Variants in BMP6 observed in about 807,000 individuals in gnomAD.
The protein encoded by BMP6 is VG-1-R.
Under a neutral mutation model 54.1 loss-of-function variants are expected in BMP6, and 17 were observed. The observed-to-expected ratio is 0.31, with a 90% CI of 0.22 to 0.47. The LOEUF (loss-of-function observed/expected upper bound fraction) is 0.47, where lower values mean the gene tolerates loss of function less well. Among genes scored for constraint, BMP6 ranks in the 20% least tolerant of loss-of-function variants. The probability of loss-of-function intolerance (pLI) is 1.00; values close to 1 mark genes in which losing one functional copy is unlikely to be tolerated. For missense variants in BMP6, 720 were observed against 690.4 expected (o/e 1.04, Z -0.48); for synonymous variants, 328 against 291.2 (o/e 1.13, Z -1.28).
At chr6:7,751,200 C>A (rs1247841278) in intron 1 of BMP6, among the ~76,000 whole-genome samples, 1 of 152,152 alleles carries the variant, frequency 6.6e-6, no homozygotes, top group Non-Finnish European at 1.5e-5. Flanking sequence ...GCAAACCCAG[C>A]CAGTTGCTCT....
chr6:7,796,357 C>G (rs965464696), intron 1 of BMP6, among the ~76,000 whole-genome samples: 2 of 152,236 alleles, frequency 1.3e-5, no homozygotes, highest in Admixed American at 1.3e-4. Flanking sequence ...AAACTGCCAC[C>G]CTCGTGGCCA....
Position 7,726,113 on chromosome 6 carries a change from G to T in BMP6, c.-843G>T, listed in dbSNP as rs991614561. Among the ~76,000 whole-genome samples the T allele has an allele frequency of 3.9e-5, 6 of 152,224 alleles. No homozygotes were observed. The highest frequency in any genetic ancestry group is 7.3e-5 in the Non-Finnish European group (5 of 68,032). On this transcript the variant is annotated 5_prime_UTR_variant, in exon 1 of 7. Transcript: ENST00000283147. ...GGGCGCGCAGCAGAAAGCCCACGTTGGCCGCTGCGGGGAGCGCGGCGTGGA... is the reference window on the plus strand; with the variant it reads ...GGGCGCGCAGCAGAAAGCCCACGTTTGCCGCTGCGGGGAGCGCGGCGTGGA...
chr6:7,834,042 C>G (rs1158800036), intron 1 of BMP6, among the ~76,000 whole-genome samples: 2 of 152,024 alleles, frequency 1.3e-5, no homozygotes, highest in African/African-American at 4.8e-5. Flanking sequence ...ATGCAAAGAC[C>G]AACACTAGCG....
At position 7,862,365 on chromosome 6, in the gene BMP6, C is replaced by G; in HGVS notation, c.1071C>G (p.Pro357=). Residue 357 remains proline, a synonymous_variant, in exon 4 of 7, where the codon CCC becomes CCG. Transcript: ENST00000283147. ...GAGACGGCCCTTACGACAAGCAGCC[C>G]TTCATGGTGGCTTTCTTCAAAGTGA... ...VGRDGPYDKQ[P]FMVAFFKVSE... 6.2e-7 allele frequency: 1 copy of G among 1,614,226 alleles called. No homozygotes were observed. The highest frequency in any genetic ancestry group is 8.5e-7 in the Non-Finnish European group (1 of 1,180,030).
intron 2 of BMP6, among the ~76,000 whole-genome samples, chr6:7,857,320 G>A (rs1218629483): frequency 6.6e-6 from 1 of 152,204 alleles, no homozygotes; most frequent in African/African-American, 2.4e-5. Flanking sequence ...CACAATGTGA[G>A]GAATATCACG....
chr6:7,860,982 A>G (rs1315715859), intron 2 of BMP6, among the ~76,000 whole-genome samples: 1 of 152,146 alleles, frequency 6.6e-6, no homozygotes, highest in Non-Finnish European at 1.5e-5. Flanking sequence ...AAAGTAAGCT[A>G]GTCACTAATA....
chr6:7,871,315 G>C (rs535037214), intron 4 of BMP6, among the ~76,000 whole-genome samples: 1 of 152,324 alleles, frequency 6.6e-6, no homozygotes, highest in Non-Finnish European at 1.5e-5. Context: ...TATTAAATGG[G>C]ACTGAAAGCC....
intron 1 of BMP6, among the ~76,000 whole-genome samples, chr6:7,766,637 A>C (rs1053311092): frequency 3.3e-5 from 5 of 152,178 alleles, no homozygotes; most frequent in East Asian, 3.8e-4. Flanking sequence ...AAAATAAATA[A>C]ATAAAAAGAA....
chr6:7,854,805 GACAA>G lies in BMP6; in HGVS notation c.858-6643_858-6640del, dbSNP rs542328255. 3.9e-3 allele frequency among the ~76,000 whole-genome samples: 598 copies of G among 152,210 alleles called. 7 individuals are homozygous for G. Among genetic ancestry groups the G allele is most frequent in the Non-Finnish European group, 6.8e-3 (459 of 67,994 alleles). ...ACTCTCTCTCAAAAATAAATAAACA[GACAA>G]ACTAACTAAATAAAAATAACAGGTG... On this transcript the variant is annotated intron_variant, in intron 2 of 6. Coordinates refer to ENST00000283147, the MANE Select transcript of BMP6 (RefSeq NM_001718.6).
At position 7,727,380 on chromosome 6, in the gene BMP6, C is replaced by G; in HGVS notation, c.425C>G (p.Ala142Gly). The G allele has an allele frequency of 6.2e-7, 1 of 1,608,726 alleles. No individual in the cohort carries two copies. Among genetic ancestry groups the G allele is most frequent in the Non-Finnish European group, 8.5e-7 (1 of 1,178,138 alleles). Residue 142 changes from alanine (A) to glycine (G), a missense_variant, in exon 1 of 7, where the codon GCC becomes GGC. Ala to Gly is a moderately conservative substitution (Grantham distance 60). Coordinates refer to ENST00000283147, the MANE Select transcript of BMP6 (RefSeq NM_001718.6). ...APLFMLDLYN[A>G]LSADNDEDGA... The stretch of plus-strand genomic sequence containing the variant: ...CTCTTCATGCTGGATCTGTACAACG[C>G]CCTGTCCGCCGACAACGACGAGGAC...
chr6:7,791,321 C>T (rs1758103550), intron 1 of BMP6, among the ~76,000 whole-genome samples: 1 of 152,190 alleles, frequency 6.6e-6, no homozygotes, highest in Non-Finnish European at 1.5e-5. Context: ...TCTGTGTTTG[C>T]GTCCACTCCC....
At chr6:7,795,699 G>C (rs1207779857) in intron 1 of BMP6, among the ~76,000 whole-genome samples, 1 of 152,142 alleles carries the variant, frequency 6.6e-6, no homozygotes, top group Non-Finnish European at 1.5e-5. Flanking sequence ...AGAGAGATGA[G>C]GGCCTGGGCT....
At chr6:7,813,380 TG>T (rs1758469114) in intron 1 of BMP6, among the ~76,000 whole-genome samples, 1 of 135,448 alleles carries the variant, frequency 7.4e-6, no homozygotes. Flanking sequence ...CCAGCACTTT[TG>T]GAGGCCAAGG....
intron 1 of BMP6, among the ~76,000 whole-genome samples, chr6:7,786,677 C>T (rs1758024953): frequency 6.6e-6 from 1 of 152,106 alleles, no homozygotes. Flanking sequence ...CAGCCTAGAA[C>T]AGACAGCCCC....
intron 2 of BMP6, among the ~76,000 whole-genome samples, chr6:7,852,698 G>A (rs1050173794): frequency 1.3e-5 from 2 of 152,218 alleles, no homozygotes; most frequent in African/African-American, 4.8e-5. Context: ...CCTCAGCACT[G>A]TGAGACTGCC....
intron 1 of BMP6, among the ~76,000 whole-genome samples, chr6:7,828,756 G>A (rs887630356): frequency 1.6e-4 from 25 of 152,262 alleles, no homozygotes; most frequent in African/African-American, 5.8e-4. Flanking sequence ...TTAGCCCTCA[G>A]CAGGAGCATG....
intron 1 of BMP6, among the ~76,000 whole-genome samples, chr6:7,839,035 G>A (rs1758923716): frequency 6.6e-6 from 1 of 151,974 alleles, no homozygotes; most frequent in East Asian, 1.9e-4. Flanking sequence ...TCTATGCCTG[G>A]TTTGCTAGTT....
At chr6:7,762,832 T>C (rs1456328337) in intron 1 of BMP6, among the ~76,000 whole-genome samples, 1 of 152,016 alleles carries the variant, frequency 6.6e-6, no homozygotes, top group Non-Finnish European at 1.5e-5. Context: ...GGGATAGGAG[T>C]ATGTTGCTAG....
rs575341121 is a variant in BMP6, at chr6:7,761,574, C to T, written c.664+33955C>T. ...GGGGTGGATGGAAGGATGGAATGGC[C>T]GGAACACAAGACGCAGACATGGCCA... On this transcript the variant is annotated intron_variant, in intron 1 of 6. Transcript: ENST00000283147. Among the ~76,000 whole-genome samples the T allele has an allele frequency of 1.6e-3, 237 of 152,238 alleles. 1 individual carries two copies. The highest frequency in any genetic ancestry group is 2.8e-3 in the Non-Finnish European group (188 of 68,014).
Sources: gnomAD v4.1 joint callset for allele counts (sites outside exome capture counted in the v4.1 genomes callset) on GRCh38, gnomAD v4.1.1 for gene constraint, MANE v1.5 for transcripts, NCBI Gene and HGNC (gene_info 2026-07-23, HGNC 2026-07-21) for gene names.